The following KDM7A variants were observed in gnomAD, a reference collection of about 807,000 sequenced individuals.
The protein encoded by KDM7A is lysine demethylase 7A.
Under a neutral mutation model 114.8 loss-of-function variants are expected in KDM7A, and 28 were observed. The observed-to-expected ratio is 0.24, with a 90% CI of 0.18 to 0.33. The LOEUF is 0.33. Ranked by LOEUF, KDM7A falls within the 10% of genes least tolerant of loss-of-function variation. KDM7A has a pLI of 1.00. For missense variants in KDM7A, 942 were observed against 1,142.5 expected (o/e 0.82, Z 2.53); for synonymous variants, 423 against 397.8 (o/e 1.06, Z -0.75).
At chr7:140,150,433 G>A (rs1374677370) in intron 1 of KDM7A, among the ~76,000 whole-genome samples, 4 of 152,152 alleles carry the variant, frequency 2.6e-5, no homozygotes, top group African/African-American at 9.7e-5. Context: ...TCCCCTACAA[G>A]CTTCTATAAG....
intron 2 of KDM7A, among the ~76,000 whole-genome samples, chr7:140,134,607 T>C (rs889581633): frequency 6.6e-6 from 1 of 151,994 alleles, no homozygotes; most frequent in Admixed American, 6.6e-5. Flanking sequence ...AAAACCTCTA[T>C]GATTCTGGAA....
intron 11 of KDM7A, among the ~76,000 whole-genome samples, chr7:140,107,399 G>A (rs986503292): frequency 1.3e-5 from 2 of 152,190 alleles, no homozygotes; most frequent in African/African-American, 4.8e-5. Context: ...TGTTTTTGCA[G>A]TGGCTGGTCT....
At chr7:140,156,267 T>C (rs1794456869) in intron 1 of KDM7A, among the ~76,000 whole-genome samples, 1 of 152,220 alleles carries the variant, frequency 6.6e-6, no homozygotes, top group Admixed American at 6.5e-5. Context: ...GACAGCCATG[T>C]TCACAATACA....
chr7:140,093,398 C>G (rs1469192467), intron 18 of KDM7A, among the ~76,000 whole-genome samples: 1 of 152,212 alleles, frequency 6.6e-6, no homozygotes, highest in Admixed American at 6.5e-5. Context: ...CAGAGGAGAA[C>G]TAGAGGCAAT....
intron 1 of KDM7A, among the ~76,000 whole-genome samples, chr7:140,174,014 A>AT (rs2116865045): frequency 6.6e-6 from 1 of 152,124 alleles, no homozygotes; most frequent in African/African-American, 2.4e-5. Flanking sequence ...AAATACAAAA[A>AT]TTAGCCAGGC....
intron 1 of KDM7A, among the ~76,000 whole-genome samples, chr7:140,160,711 C>T (rs562720140): frequency 1.8e-3 from 269 of 152,152 alleles, no homozygotes; most frequent in Middle Eastern, 3.4e-3. Context: ...CAATTGCTTA[C>T]GGGGTAAAGA....
chr7:140,150,518 T>C (rs1224361048), intron 1 of KDM7A, among the ~76,000 whole-genome samples: 1 of 152,212 alleles, frequency 6.6e-6, no homozygotes, highest in Non-Finnish European at 1.5e-5. Flanking sequence ...CAAGATACGC[T>C]TGCTGTAAAG....
At chr7:140,125,360 T>G (rs1818682256) in intron 6 of KDM7A, among the ~76,000 whole-genome samples, 1 of 152,192 alleles carries the variant, frequency 6.6e-6, no homozygotes, top group South Asian at 2.1e-4. Context: ...GATGGAAATT[T>G]TTTGTATCTG....
intron 11 of KDM7A, among the ~76,000 whole-genome samples, chr7:140,104,364 G>A (rs1818290339): frequency 6.6e-6 from 1 of 152,136 alleles, no homozygotes; most frequent in South Asian, 2.1e-4. Flanking sequence ...TGGTGTTTTA[G>A]TCATGAAGTC....
chr7:140,166,235 T>G (rs989522635), intron 1 of KDM7A, among the ~76,000 whole-genome samples: 1 of 151,984 alleles, frequency 6.6e-6, no homozygotes, highest in Non-Finnish European at 1.5e-5. Context: ...GGAAGAAAAC[T>G]ATACGATTCT....
chr7:140,139,226 A>C (rs749095296), intron 1 of KDM7A, 36 bp from the exon 2 acceptor site: 5 of 1,460,364 alleles, frequency 3.4e-6, no homozygotes, highest in Non-Finnish European at 4.8e-6. Context: ...TATGTAAGTA[A>C]GTTGAAAATC....
At position 140,162,798 on chromosome 7, in the gene KDM7A, G is replaced by A. The variant is rs1009593820; in HGVS notation, c.194+13946C>T. Among the ~76,000 whole-genome samples the A allele has an allele frequency of 7.2e-5, 11 of 152,058 alleles. No homozygotes were observed. The South Asian group carries it at 1.2e-3, about 17-fold the overall frequency. On this transcript the variant is annotated intron_variant, in intron 1 of 19. Coordinates refer to ENST00000397560, the MANE Select transcript of KDM7A (RefSeq NM_030647.2). Reference sequence around the variant, plus strand: ...ACAAAAATATATATCCTGCAGCACTGTTAAGTAGTAAGAACAAAAGAGAAA... The same window carrying A: ...ACAAAAATATATATCCTGCAGCACTATTAAGTAGTAAGAACAAAAGAGAAA...
chr7:140,099,293 C>G (rs536908063), intron 13 of KDM7A, among the ~76,000 whole-genome samples: 1 of 152,284 alleles, frequency 6.6e-6, no homozygotes, highest in South Asian at 2.1e-4. Context: ...CTCCTGGGCT[C>G]AAGCGATCCT....
At chr7:140,115,173 T>TG (rs1160005686) in intron 9 of KDM7A, among the ~76,000 whole-genome samples, 1 of 143,482 alleles carries the variant, frequency 7.0e-6, no homozygotes, top group Non-Finnish European at 1.5e-5. Context: ...GGGAGGGAGG[T>TG]GGGGGGCAGC....
intron 7 of KDM7A, among the ~76,000 whole-genome samples, chr7:140,123,199 G>A (rs565748635): frequency 8.9e-4 from 135 of 152,326 alleles, no homozygotes; most frequent in Middle Eastern, 6.8e-3. Context: ...ACTGGTGAGG[G>A]TGTGGAGAAA....
chr7:140,140,968 T>C (rs1267045364), intron 1 of KDM7A, among the ~76,000 whole-genome samples: 1 of 152,086 alleles, frequency 6.6e-6, no homozygotes, highest in East Asian at 1.9e-4. Context: ...AAGAAAAAGA[T>C]TGCTAAATAT....
In KDM7A at chr7:140,091,980, C is replaced by T. The variant is rs760043307; in HGVS notation, c.2555G>A (p.Ser852Asn). The T allele has an allele frequency of 6.2e-7, 1 of 1,614,082 alleles. No homozygotes were observed. Among genetic ancestry groups the T allele is most frequent in the South Asian group, 1.1e-5 (1 of 91,078 alleles). Reference protein sequence around the residue: ...SRNYVDSSGSSLQNGKYMQNS... With the variant: ...SRNYVDSSGSNLQNGKYMQNS... ...CTGCATATACTTTCCATTCTGAAGG[C>T]TTGAGCCGCTGCTGTCCACATAATT... Residue 852 changes from serine to asparagine, a missense_variant, in exon 19 of 20, where the codon AGC (serine) becomes AAC (asparagine). Transcript: ENST00000397560.
chr7:140,174,161 C>T (rs1794675722), intron 1 of KDM7A, among the ~76,000 whole-genome samples: 1 of 142,902 alleles, frequency 7.0e-6, no homozygotes, highest in Admixed American at 7.0e-5. Context: ...GAGACTCCGT[C>T]TCCAAAAAAA....
chr7:140,151,242 C>A (rs1171941792), intron 1 of KDM7A, among the ~76,000 whole-genome samples: 1 of 152,178 alleles, frequency 6.6e-6, no homozygotes, highest in Admixed American at 6.5e-5. Context: ...ATGGCTAGTG[C>A]GACACCAAAT....
Sources: gnomAD v4.1 joint callset for allele counts (sites outside exome capture counted in the v4.1 genomes callset) on GRCh38, gnomAD v4.1.1 for gene constraint, MANE v1.5 for transcripts, NCBI Gene and HGNC (gene_info 2026-07-23, HGNC 2026-07-21) for gene names.